The following TMEM132D variants were observed in gnomAD, a reference collection of about 807,000 sequenced individuals.
TMEM132D encodes mature OL transmembrane protein.
Under a neutral mutation model 62.3 loss-of-function variants are expected in TMEM132D, and 21 were observed. That is an observed-to-expected ratio of 0.34 (90% CI 0.24 to 0.49). The LOEUF (loss-of-function observed/expected upper bound fraction) is 0.49, where lower values mean the gene tolerates loss of function less well. Ranked by LOEUF, TMEM132D falls within the 20% of genes least tolerant of loss-of-function variation. The pLI, the probability that TMEM132D is intolerant of heterozygous loss-of-function variation, is 0.99. For missense variants in TMEM132D, 1,346 were observed against 1,402.8 expected, an observed-to-expected ratio of 0.96 and a Z score of 0.65; for synonymous variants, 621 against 575.6, an observed-to-expected ratio of 1.08 and a Z score of -1.13.
intron 4 of TMEM132D, among the ~76,000 whole-genome samples, chr12:129,333,747 C>G (rs1177073121): frequency 1.3e-5 from 2 of 152,188 alleles, no homozygotes; most frequent in Non-Finnish European, 2.9e-5. Context: ...GGCAGAGCTC[C>G]TAGACTGATG....
At chr12:129,557,766 C>A (rs1437704048) in intron 2 of TMEM132D, among the ~76,000 whole-genome samples, 2 of 152,100 alleles carry the variant, frequency 1.3e-5, no homozygotes, top group African/African-American at 4.8e-5. Context: ...TGACATTGAG[C>A]ATGGGGCTGA....
chr12:129,578,160 T>A (rs269154), intron 2 of TMEM132D, among the ~76,000 whole-genome samples: 21 of 151,912 alleles, frequency 1.4e-4, no homozygotes, highest in Admixed American at 3.3e-4. Flanking sequence ...TCTTCTCCCC[T>A]CTTCCTCAGT....
chr12:129,288,292 G>A lies in TMEM132D; in HGVS notation c.1299+49342C>T, dbSNP rs148048998. On this transcript the variant is annotated intron_variant, in intron 4 of 8. Transcript: ENST00000422113. Reference sequence around the variant, plus strand: ...ACAGCAAGAAGAAAAATAAACAGAGGAAGAAGGCAATCTATGAAACGGGAA... The same window carrying A: ...ACAGCAAGAAGAAAAATAAACAGAGAAAGAAGGCAATCTATGAAACGGGAA... Among the ~76,000 whole-genome samples the A allele has an allele frequency of 4.6e-3, 703 of 152,226 alleles. 3 individuals are homozygous for A. Among genetic ancestry groups the A allele is most frequent in the Middle Eastern group, 0.034 (10 of 294 alleles).
intron 3 of TMEM132D, among the ~76,000 whole-genome samples, chr12:129,385,082 GTT>G (rs1871069392): frequency 8.9e-6 from 1 of 112,516 alleles, no homozygotes; most frequent in Non-Finnish European, 1.7e-5. Context: ...CACTGTTAAA[GTT>G]CTTTTTTTTT....
chr12:129,726,442 G>A (rs974378212), intron 1 of TMEM132D, among the ~76,000 whole-genome samples: 27 of 152,146 alleles, frequency 1.8e-4, no homozygotes, highest in Non-Finnish European at 2.5e-4. Flanking sequence ...GGCAGGAACA[G>A]CCTCAGCTCA....
intron 3 of TMEM132D, among the ~76,000 whole-genome samples, chr12:129,420,653 G>A (rs1872291691): frequency 6.6e-6 from 1 of 152,174 alleles, no homozygotes; most frequent in African/African-American, 2.4e-5. Flanking sequence ...CCAAGGATGT[G>A]TGGAGCCCAA....
chr12:129,078,497 G>T (rs200295639), intron 8 of TMEM132D, 37 bp downstream of exon 8: 1 of 1,588,938 alleles, frequency 6.3e-7, no homozygotes, highest in South Asian at 1.1e-5. Flanking sequence ...CTTGGTGAGG[G>T]ACCCTGCTGA....
At chr12:129,766,583 A>G (rs58393791) in intron 1 of TMEM132D, among the ~76,000 whole-genome samples, 1,930 of 152,268 alleles carry the variant, frequency 0.013, 46 homozygotes, top group African/African-American at 0.044. Flanking sequence ...GCAAGCCACA[A>G]AAATTCCTGA....
intron 3 of TMEM132D, among the ~76,000 whole-genome samples, chr12:129,359,546 TA>T (rs1045318337): frequency 6.6e-6 from 1 of 152,116 alleles, no homozygotes; most frequent in Non-Finnish European, 1.5e-5. Context: ...TTTTTGAACT[TA>T]AAAAGAAAAG....
intron 2 of TMEM132D, among the ~76,000 whole-genome samples, chr12:129,631,681 C>T (rs1879349081): frequency 6.6e-6 from 1 of 152,178 alleles, no homozygotes. Flanking sequence ...AAAGGATCAC[C>T]TAGAGACAAA....
chr12:129,431,608 T>C (rs1872658019), intron 3 of TMEM132D, among the ~76,000 whole-genome samples: 1 of 152,200 alleles, frequency 6.6e-6, no homozygotes, highest in Non-Finnish European at 1.5e-5. Flanking sequence ...TCCTGCATTT[T>C]ACAACAGCCG....
intron 3 of TMEM132D, among the ~76,000 whole-genome samples, chr12:129,525,226 GTTTTTTTTTTTT>G (rs765569025): frequency 3.7e-4 from 25 of 67,396 alleles, no homozygotes; most frequent in South Asian, 1.3e-3. Flanking sequence ...TGCCCAGCCG[GTTTTTTTTTTTT>G]TTTTTTTTTT....
intron 5 of TMEM132D, among the ~76,000 whole-genome samples, chr12:129,121,586 G>A (rs1876064826): frequency 6.6e-6 from 1 of 152,134 alleles, no homozygotes; most frequent in South Asian, 2.1e-4. Context: ...GGAGAATGGG[G>A]CCCCCGAGCC....
At chr12:129,271,765 A>G in intron 4 of TMEM132D, among the ~76,000 whole-genome samples, 1 of 151,886 alleles carries the variant, frequency 6.6e-6, no homozygotes, top group East Asian at 1.9e-4. Flanking sequence ...GCTGCATAGT[A>G]TTCCATGGTA....
chr12:129,432,369 G>A (rs1872688364), intron 3 of TMEM132D, among the ~76,000 whole-genome samples: 1 of 152,106 alleles, frequency 6.6e-6, no homozygotes, highest in Admixed American at 6.5e-5. Context: ...ATGGGTGGAT[G>A]GATTTTATTT....
intron 3 of TMEM132D, among the ~76,000 whole-genome samples, chr12:129,362,124 C>G (rs1870267566): frequency 6.6e-6 from 1 of 152,180 alleles, no homozygotes; most frequent in Non-Finnish European, 1.5e-5. Context: ...AATACCTTAT[C>G]TTTTCAGTTT....
At chr12:129,394,616 A>G (rs1302231405) in intron 3 of TMEM132D, among the ~76,000 whole-genome samples, 7 of 152,250 alleles carry the variant, frequency 4.6e-5, no homozygotes, top group African/African-American at 1.7e-4. Context: ...TGTGAGAAGC[A>G]GGGTCTAGCC....
chr12:129,275,294 A>G (rs1225816699), intron 4 of TMEM132D, among the ~76,000 whole-genome samples: 2 of 152,094 alleles, frequency 1.3e-5, no homozygotes, highest in Non-Finnish European at 2.9e-5. Flanking sequence ...AAAATATAAA[A>G]TAAAATAAAA....
chr12:129,674,065 T>C (rs1880569903), intron 2 of TMEM132D, among the ~76,000 whole-genome samples: 1 of 152,200 alleles, frequency 6.6e-6, no homozygotes, highest in South Asian at 2.1e-4. Flanking sequence ...TCTCCAGCTC[T>C]CCCTGTCTGA....
Sources: gnomAD v4.1 joint callset for allele counts (sites outside exome capture counted in the v4.1 genomes callset) on GRCh38, gnomAD v4.1.1 for gene constraint, MANE v1.5 for transcripts, NCBI Gene and HGNC (gene_info 2026-07-23, HGNC 2026-07-21) for gene names.